NOP2: variants seen among roughly 807,000 people sequenced by gnomAD.
NOP2 encodes 28S rRNA (cytosine(4447)-C(5))-methyltransferase.
NOP2 carries 7 observed loss-of-function variants against 72.7 expected under a neutral mutation model. The ratio of observed to expected loss-of-function variants is 0.10; its 90% CI spans 0.05 to 0.18. The LOEUF (loss-of-function observed/expected upper bound fraction) is 0.18. NOP2 is among the 10% of genes least tolerant of loss of function. The probability of loss-of-function intolerance (pLI) is 1.00; values close to 1 mark genes in which losing one functional copy is unlikely to be tolerated. For synonymous variants in NOP2, 387 were observed against 388.0 expected (o/e 1.00, Z 0.03); for missense variants, 954 against 1,014.7 (o/e 0.94, Z 0.81).
chr12:6,563,385 T>G lies in NOP2; in HGVS notation c.818A>C (p.Asp273Ala). ...RSEYLNRLKK[D>A]LAIYYSYGDF... ...TCCATAGGAGTAGTAAATGGCCAGA[T>G]CCTTCTTGAGCCGGTTCAGGTATTC... The change falls in exon 8 of 16, where the codon GAT becomes GCT. Residue 273 changes from aspartate to alanine, a missense_variant. This residue lies in a region of NOP2 where 498 missense variants were observed against 478.3 expected (regional missense o/e 1.04). Transcript: ENST00000322166. 1 of 1,605,530 alleles carries G rather than the reference T, an allele frequency of 6.2e-7. No individual in the cohort carries two copies. The highest frequency in any genetic ancestry group is 8.5e-7 in the Non-Finnish European group (1 of 1,176,048).
At position 6,560,401 on chromosome 12, in the gene NOP2, G is replaced by GC. The variant is rs756780021; in HGVS notation, c.1560+45dup. ...TGAAGGGAGCTCTAAGGGGCAAAGA[G>GC]CCCCCCAGCCCAGCCTCCCCTGCTC... On this transcript the variant is annotated intron_variant, in intron 14 of 15. Transcript: ENST00000322166. This position sits in a 1 kb window ranked among gnomAD's most constrained non-coding sequence, Gnocchi z 5.0. 1 of 1,595,198 alleles carries GC rather than the reference G, an allele frequency of 6.3e-7. No individual in the cohort carries two copies. Among genetic ancestry groups the GC allele is most frequent in the South Asian group, 1.1e-5 (1 of 89,566 alleles).
In NOP2 at chr12:6,560,801, A is replaced by C. The variant is rs1301625960; in HGVS notation, c.1348-14T>G. The C allele has an allele frequency of 6.2e-7, 1 of 1,611,634 alleles. No homozygotes were observed. The highest frequency in any genetic ancestry group is 8.5e-7 in the Non-Finnish European group (1 of 1,178,784). On this transcript the variant is annotated splice_polypyrimidine_tract_variant and intron_variant, in intron 12 of 15. Transcript: ENST00000322166. This position sits in a 1 kb window ranked among gnomAD's most constrained non-coding sequence, Gnocchi z 5.0. The stretch of plus-strand genomic sequence containing the variant: ...GCCCCCCACCACCTGGAGAAAAGAT[A>C]CAGATGAATCATATGTCTCTTCTGC...
In NOP2 at chr12:6,561,666, A is replaced by G; in HGVS notation, c.1205T>C (p.Met402Thr). ...CCACCTGCCTGCCCCTCTCATACCCATGTAGCTGGTCTTTCCTCCAGGGGC... is the reference window on the plus strand; with the variant it reads ...CCACCTGCCTGCCCCTCTCATACCCGTGTAGCTGGTCTTTCCTCCAGGGGC... Reference protein sequence around the residue: ...CCAPGGKTSYMAQLMKNTGVI... With the variant: ...CCAPGGKTSYTAQLMKNTGVI... The change falls in exon 11 of 16, where the codon ATG becomes ACG. Residue 402 changes from methionine (M) to threonine (T), a missense_variant and splice_region_variant. Transcript: ENST00000322166. 3 of 1,613,566 alleles carry G rather than the reference A, an allele frequency of 1.9e-6. No individual in the cohort carries two copies. The South Asian group carries it at 3.3e-5, about 18-fold the overall frequency.
In NOP2 at chr12:6,557,050, T is replaced by G. The variant is rs1009752581; in HGVS notation, c.2382A>C (p.Pro794=). The change falls in exon 16 of 16, where the codon CCA becomes CCC. Residue 794 remains proline, a synonymous_variant. Transcript: ENST00000322166. The part of the protein sequence containing the change: ...TVSPIRSSRP[P]PAKRKKSQSR... ...ACTGAGATTTCTTCCTCTTTGCTGGTGGGGGGCGGCTGGAACGGATGGGAG... is the reference window on the plus strand; with the variant it reads ...ACTGAGATTTCTTCCTCTTTGCTGGGGGGGGGCGGCTGGAACGGATGGGAG... 21 of 1,613,722 alleles carry G rather than the reference T, an allele frequency of 1.3e-5. No homozygotes were observed. The highest frequency in any genetic ancestry group is 1.6e-5 in the Non-Finnish European group (19 of 1,179,860).
chr12:6,557,681 C>T, intron 15 of NOP2, 39 bp from the exon 16 acceptor site: 2 of 1,538,338 alleles, frequency 1.3e-6, no homozygotes, highest in Middle Eastern at 1.7e-4. Flanking sequence ...AGAAAATGGG[C>T]CTTATCACCA....
Position 6,566,794 on chromosome 12 carries a change from A to G in NOP2, c.132T>C (p.Ser44=), listed in dbSNP as rs1565593071. ...AVSDENSKRL[S]SRARKRAAKR... ...ACACTTACCTCTTTCGAGCACGACT[A>G]GACAGCCTCTTGGAATTTTCGTCAC... The change falls in exon 3 of 16, where the codon TCT becomes TCC. Residue 44 remains serine, a synonymous_variant. Coordinates refer to ENST00000322166, the MANE Select transcript of NOP2 (RefSeq NM_001258308.2). 1.2e-6 allele frequency: 2 copies of G among 1,613,282 alleles called. No individual in the cohort carries two copies. Among genetic ancestry groups the G allele is most frequent in the South Asian group, 1.1e-5 (1 of 90,930 alleles).
Position 6,557,017 on chromosome 12 carries a change from G to C in NOP2, c.2415C>G (p.Gly805=). The C allele has an allele frequency of 1.9e-6, 3 of 1,613,984 alleles. No individual in the cohort carries two copies. The highest frequency in any genetic ancestry group is 1.7e-6 in the Non-Finnish European group (2 of 1,179,874). The change falls in exon 16 of 16, where the codon GGC becomes GGG. Residue 805 remains glycine, a synonymous_variant. Coordinates refer to ENST00000322166, the MANE Select transcript of NOP2 (RefSeq NM_001258308.2). ...TCTAAGATAGCAGCAGCTGGCTGTT[G>C]CCCCTGGACTGAGATTTCTTCCTCT... The part of the protein sequence containing the change: ...PAKRKKSQSR[G]NSQLLLS
rs1446231236 is a variant in NOP2 at position 6,557,314 on chromosome 12, CTG to C, written c.2116_2117del (p.Gln706ValfsTer37). 1 of 1,614,048 alleles carries C rather than the reference CTG, an allele frequency of 6.2e-7. No individual in the cohort carries two copies. Among genetic ancestry groups the C allele is most frequent in the South Asian group, 1.1e-5 (1 of 91,088 alleles). ...GKLKQRSPKL[Q>X]SSKKVAFLRQ... is the part of the protein sequence containing the mutation. ...TGAGGAAAGCAACTTTCTTGGAGGA[CTG>C]TAATTTAGGTGATCGTTGCTTTAGC... On this transcript the variant is annotated frameshift_variant, in exon 16 of 16. Transcript: ENST00000322166. LOFTEE classifies it low-confidence loss of function (END_TRUNC).
rs1455318422 is a variant in NOP2 at position 6,561,051 on chromosome 12, C to T, written c.1227G>A (p.Thr409=). ...TSYMAQLMKN[T]GVILANDANA... ...TGGCGTCATTGGCAAGGATCACACC[C>T]GTGTTCTTCATCAGCTGGGCTAAAG... is the stretch of plus-strand genomic sequence containing the variant. Residue 409 remains threonine, a synonymous_variant, in exon 12 of 16, where the codon ACG becomes ACA. Coordinates refer to ENST00000322166, the MANE Select transcript of NOP2 (RefSeq NM_001258308.2). The T allele has an allele frequency of 4.3e-6, 7 of 1,613,878 alleles. No homozygotes were observed. Among genetic ancestry groups the T allele is most frequent in the African/African-American group, 4.0e-5 (3 of 74,918 alleles).
At position 6,556,875 on chromosome 12, in the gene NOP2, G is replaced by A. The variant is rs2136162366; in HGVS notation, c.*118C>T. 3 of 1,236,106 alleles carry A rather than the reference G, an allele frequency of 2.4e-6. No homozygotes were observed. The highest frequency in any genetic ancestry group is 3.4e-6 in the Non-Finnish European group (3 of 886,306). 76.6% of individuals were successfully genotyped at this position (1,236,106 alleles called of 1,614,324 possible). A position where few individuals can be genotyped will look rare whatever the true frequency, so the allele number is the denominator to read the frequency against. On this transcript the variant is annotated 3_prime_UTR_variant, in exon 16 of 16. Transcript: ENST00000322166. ...CCCTCAAAAATACTCAGTGGCCAGA[G>A]GTTTTAAAATGTGTATTAAATTTCA...
chr12:6,562,962 C>A, intron 9 of NOP2, 119 bp downstream of exon 9: 3 of 1,006,390 alleles, frequency 3.0e-6, no homozygotes, highest in South Asian at 1.4e-5. Context: ...GGTTTGCCCC[C>A]CCAGGATCAT....
intron 3 of NOP2, 21 bp from the exon 4 acceptor site, chr12:6,566,638 C>G (rs996282815): frequency 6.2e-7 from 1 of 1,612,016 alleles, no homozygotes; most frequent in Non-Finnish European, 8.5e-7. Context: ...ACAAGAGATT[C>G]AAGGAGTGAA....
At chr12:6,561,635 T>C in intron 11 of NOP2, 29 bp downstream of exon 11, 1 of 1,607,776 alleles carries the variant, frequency 6.2e-7, no homozygotes, top group Admixed American at 1.7e-5. Flanking sequence ...GACAGCCCGA[T>C]GAATCCCACC....
chr12:6,567,891 CCTT>C lies in NOP2; in HGVS notation c.25_27del (p.Lys9del). The C allele has an allele frequency of 6.2e-7, 1 of 1,614,042 alleles. No individual in the cohort carries two copies. Among genetic ancestry groups the C allele is most frequent in the Non-Finnish European group, 8.5e-7 (1 of 1,179,890 alleles). On this transcript the variant is annotated inframe_deletion, in exon 2 of 16. Transcript: ENST00000322166. ...GCCTTTCGGCCTGGCCCCCGCTTCTCCTTCGTAGGGTCCAACTTGCGCCCCATG... is the reference window on the plus strand; with the variant it reads ...GCCTTTCGGCCTGGCCCCCGCTTCTCCGTAGGGTCCAACTTGCGCCCCATG...
intron 15 of NOP2, chr12:6,557,940 C>G (rs1180505534): frequency 5.1e-6 from 2 of 394,762 alleles, no homozygotes; most frequent in African/African-American, 4.2e-5. Flanking sequence ...GCCAGGAGTT[C>G]AAGACCAGCC....
At chr12:6,566,641 G>A (rs1192766490) in intron 3 of NOP2, 24 bp from the exon 4 acceptor site, 1 of 1,611,464 alleles carries the variant, frequency 6.2e-7, no homozygotes. Flanking sequence ...AGAGATTCAA[G>A]GAGTGAAGAA....
chr12:6,559,265 C>T (rs1390674981), intron 15 of NOP2, among the ~76,000 whole-genome samples: 1 of 152,140 alleles, frequency 6.6e-6, no homozygotes, highest in East Asian at 1.9e-4. Flanking sequence ...ACTACAGGCG[C>T]CCACCACCAA....
intron 15 of NOP2, chr12:6,557,867 G>A (rs1207803142): frequency 1.9e-6 from 1 of 530,268 alleles, no homozygotes; most frequent in East Asian, 3.6e-5. Context: ...TATAGGCCAG[G>A]CGTGGTGGCT....
At chr12:6,564,775 A>G (rs1159083763) in intron 5 of NOP2, among the ~76,000 whole-genome samples, 1 of 149,562 alleles carries the variant, frequency 6.7e-6, no homozygotes, top group Non-Finnish European at 1.5e-5. Context: ...TATTTTTCAC[A>G]TAATCCATTT....
Sources: gnomAD v4.1 joint callset for allele counts (sites outside exome capture counted in the v4.1 genomes callset) on GRCh38, gnomAD v4.1.1 for gene constraint, gnomAD v4.1.1 regional missense constraint, Gnocchi (gnomAD v3.1) non-coding constraint, MANE v1.5 for transcripts, NCBI Gene and HGNC (gene_info 2026-07-23, HGNC 2026-07-21) for gene names.